The following SLC11A1 variants were observed in gnomAD, a reference collection of about 807,000 sequenced individuals.
SLC11A1 encodes the protein solute carrier family 11 member 1.
SLC11A1 carries 59 observed loss-of-function variants against 63.2 expected under a neutral mutation model. That is an observed-to-expected ratio of 0.93 (90% CI 0.76 to 1.16). The LOEUF (loss-of-function observed/expected upper bound fraction) is 1.16. Ranked by LOEUF, SLC11A1 falls within the 50% of genes most tolerant of loss-of-function variation. The pLI is 0.00. For missense variants in SLC11A1, 688 were observed against 730.7 expected, an observed-to-expected ratio of 0.94 and a Z score of 0.67; for synonymous variants, 305 against 307.8, an observed-to-expected ratio of 0.99 and a Z score of 0.09.
At chr2:218,388,175 C>G in intron 8 of SLC11A1, 1 of 550,944 alleles carries the variant, frequency 1.8e-6, no homozygotes, top group South Asian at 2.3e-5. Flanking sequence ...CGACACCATC[C>G]TGGTCAACAT....
In SLC11A1 at chr2:218,394,172, T is replaced by C. The variant is rs1261208430; in HGVS notation, c.1367T>C (p.Met456Thr). ...ACGTTCACCAGCATGCCCACCCTCA[T>C]GCAGGAGTTTGCCAATGGCCTGTGA... ...ILTFTSMPTL[M>T]QEFANGLLNK... Residue 456 changes from methionine (M) to threonine (T), a missense_variant, in exon 13 of 15, where the codon ATG (methionine) becomes ACG (threonine). Physicochemically the swap from Met to Thr is moderately conservative, Grantham distance 81 (BLOSUM62 -1). Coordinates refer to ENST00000233202, the MANE Select transcript of SLC11A1 (RefSeq NM_000578.4). The C allele has an allele frequency of 6.2e-7, 1 of 1,614,156 alleles. No homozygotes were observed. Among genetic ancestry groups the C allele is most frequent in the Non-Finnish European group, 8.5e-7 (1 of 1,180,014 alleles).
chr2:218,392,320 T>G (rs1696503358), intron 11 of SLC11A1: 1 of 182,972 alleles, frequency 5.5e-6, no homozygotes, highest in Non-Finnish European at 1.2e-5. Context: ...CTCCTCAGCC[T>G]CCCAAAGTGC....
intron 4 of SLC11A1, 123 bp downstream of exon 4, chr2:218,385,389 G>A (rs768332375): frequency 7.6e-6 from 11 of 1,440,282 alleles, no homozygotes; most frequent in Non-Finnish European, 1.1e-5. Flanking sequence ...GTTTGTTTTT[G>A]TTGTTGTTTG....
chr2:218,387,099 C>A, intron 5 of SLC11A1, 61 bp from the exon 6 acceptor site: 1 of 1,477,328 alleles, frequency 6.8e-7, no homozygotes, highest in Non-Finnish European at 9.5e-7. Context: ...AGCCCTGAGG[C>A]TCCGTAGGAG....
In SLC11A1 at chr2:218,391,227, C is replaced by G; in HGVS notation, c.984C>G (p.His328Gln). The G allele has an allele frequency of 6.2e-7, 1 of 1,613,910 alleles. No individual in the cohort carries two copies. Among genetic ancestry groups the G allele is most frequent in the Non-Finnish European group, 8.5e-7 (1 of 1,179,994 alleles). The change falls in exon 10 of 15, where the codon CAC becomes CAG. Residue 328 changes from histidine (H) to glutamine (Q), a missense_variant. By Grantham distance (24) the His-to-Gln change is conservative. Transcript: ENST00000233202. ...ACATCTGTGCCAACAGCAGCCTCCACGACTACGCCAAGATCTTCCCCATGA... is the reference window on the plus strand; with the variant it reads ...ACATCTGTGCCAACAGCAGCCTCCAGGACTACGCCAAGATCTTCCCCATGA... ...AFNICANSSL[H>Q]DYAKIFPMNN...
chr2:218,389,732 C>A, intron 8 of SLC11A1, 138 bp from the exon 9 acceptor site: 1 of 810,468 alleles, frequency 1.2e-6, no homozygotes, highest in South Asian at 1.9e-5. Context: ...ATCGGCTGAC[C>A]TGAACCTGCC....
chr2:218,384,076 C>T lies in SLC11A1; in HGVS notation c.151-167C>T. On this transcript the variant is annotated intron_variant, in intron 2 of 14. Coordinates refer to ENST00000233202, the MANE Select transcript of SLC11A1 (RefSeq NM_000578.4). This position sits in a 1 kb window ranked among gnomAD's most constrained non-coding sequence, Gnocchi z 4.0. The stretch of plus-strand genomic sequence containing the variant: ...GACTCATCAGAGCATGCTGCTTCCT[C>T]CACCCATGCCCTCCCCATCCCTTGG... 3 of 574,524 alleles carry T rather than the reference C, an allele frequency of 5.2e-6. No homozygotes were observed. Among genetic ancestry groups the T allele is most frequent in the Non-Finnish European group, 8.7e-6 (3 of 346,310 alleles). The allele number at this position is 574,524 out of a possible 1,614,324, so 35.6% of individuals were successfully genotyped here.
rs17235381 is a variant in SLC11A1 at position 218,385,477 on chromosome 2, A to G, written c.393+211A>G. On this transcript the variant is annotated intron_variant, in intron 4 of 14. Transcript: ENST00000233202. ...GCGATGTCAGCTCACTGCAACCTCT[A>G]CCTCCCAGGTACAAGTGATTCTCCT... 2,384 of 611,512 alleles carry G rather than the reference A, an allele frequency of 3.9e-3. 43 individuals are homozygous for G. Among genetic ancestry groups the G allele is most frequent in the African/African-American group, 0.034 (1,882 of 54,782 alleles). The allele number at this position is 611,512 out of a possible 1,614,324, so 37.9% of individuals were successfully genotyped here.
chr2:218,389,757 A>G (rs974218021), intron 8 of SLC11A1, 113 bp from the exon 9 acceptor site: 2 of 1,105,036 alleles, frequency 1.8e-6, no homozygotes, highest in Non-Finnish European at 2.6e-6. Context: ...ACTGCCACGC[A>G]GGGGACTTAA....
chr2:218,386,393 G>A (rs1472326932), intron 4 of SLC11A1, among the ~76,000 whole-genome samples: 1 of 151,810 alleles, frequency 6.6e-6, no homozygotes, highest in African/African-American at 2.4e-5. Flanking sequence ...CGGAGATTGT[G>A]GTGAGCCGAG....
In SLC11A1 at chr2:218,387,847, C is replaced by G. The variant is rs776420245; in HGVS notation, c.687C>G (p.Phe229Leu). 3 of 1,602,268 alleles carry G rather than the reference C, an allele frequency of 1.9e-6. No individual in the cohort carries two copies. Among genetic ancestry groups the G allele is most frequent in the African/African-American group, 1.3e-5 (1 of 74,752 alleles). ...AGGGAGCGCTTCTTCGGGGCCTGTT[C>G]CTGCCCTCGTGCCCGGGCTGCGGCC... ...PEQGALLRGL[F>L]LPSCPGCGHP... Residue 229 changes from phenylalanine (F) to leucine (L), a missense_variant, in exon 8 of 15, where the codon TTC (phenylalanine) becomes TTG (leucine). Physicochemically the swap from Phe to Leu is conservative, Grantham distance 22. Transcript: ENST00000233202.
Position 218,386,654 on chromosome 2 carries a change from G to A in SLC11A1, c.413G>A (p.Trp138Ter). The A allele has an allele frequency of 6.2e-7, 1 of 1,613,848 alleles. No homozygotes were observed. ...YYPKVPRTVL[W>*]LTIELAIVGS... ...CCATAGGTGCCCCGCACCGTCCTCT[G>A]GCTGACCATCGAGCTAGCCATTGTG... The change falls in exon 5 of 15, where the codon TGG becomes TAG. Residue 138 changes from tryptophan (W) to a stop codon, truncating the protein, a stop_gained. Transcript: ENST00000233202. LOFTEE classifies it high-confidence loss of function.
Position 218,396,517 on chromosome 2 carries a change from C to G in SLC11A1, c.*1482C>G, listed in dbSNP as rs763172778. 1 of 152,436 alleles carries G rather than the reference C, an allele frequency of 6.6e-6. No individual in the cohort carries two copies. The highest frequency in any genetic ancestry group is 2.4e-5 in the African/African-American group (1 of 41,466). 9.4% of individuals were successfully genotyped at this position (152,436 alleles called of 1,614,324 possible). The stretch of plus-strand genomic sequence containing the variant: ...AGGCGGCCTGGCTCCGCGCTCAGGT[C>G]CGGACGCTTGTTTATGAGAAGAATT... On this transcript the variant is annotated 3_prime_UTR_variant, in exon 15 of 15. Coordinates refer to ENST00000233202, the MANE Select transcript of SLC11A1 (RefSeq NM_000578.4).
At chr2:218,383,401 T>G in intron 2 of SLC11A1, 1 of 338,778 alleles carries the variant, frequency 3.0e-6, no homozygotes, top group Non-Finnish European at 5.5e-6. Context: ...GTTATAGCAT[T>G]TAGGAAAGGG....
Position 218,394,924 on chromosome 2 carries a change from G to A in SLC11A1, c.1543-1G>A. 6.2e-7 allele frequency: 1 copy of A among 1,612,430 alleles called. No homozygotes were observed. The highest frequency in any genetic ancestry group is 8.5e-7 in the Non-Finnish European group (1 of 1,179,328). ...CCAATTCATGGTTGCCCCTCCCCCA[G>A]GTCTGGACCTGTTGCCTTGCCCACG... is the stretch of plus-strand genomic sequence containing the variant. On this transcript the variant is annotated splice_acceptor_variant, in intron 14 of 14. Coordinates refer to ENST00000233202, the MANE Select transcript of SLC11A1 (RefSeq NM_000578.4). LOFTEE classifies it high-confidence loss of function.
Position 218,385,231 on chromosome 2 carries a change from G to A in SLC11A1, c.358G>A (p.Asp120Asn). Residue 120 changes from aspartate (D) to asparagine (N), a missense_variant, in exon 4 of 15, where the codon GAC becomes AAC. Physicochemically the swap from Asp to Asn is conservative, Grantham distance 23. Transcript: ENST00000233202. ...AARLGVVTGK[D>N]LGEVCHLYYP... ...ACGTCTGGGCGTGGTGACAGGCAAG[G>A]ACTTGGGCGAGGTCTGCCATCTCTA... The A allele has an allele frequency of 6.2e-7, 1 of 1,614,064 alleles. No homozygotes were observed. Among genetic ancestry groups the A allele is most frequent in the African/African-American group, 1.3e-5 (1 of 75,068 alleles).
chr2:218,382,950 G>GC lies in SLC11A1; in HGVS notation c.8-5dup, dbSNP rs1279055288. 6.2e-7 allele frequency: 1 copy of GC among 1,613,982 alleles called. No individual in the cohort carries two copies. The highest frequency in any genetic ancestry group is 8.5e-7 in the Non-Finnish European group (1 of 1,179,966). On this transcript the variant is annotated splice_polypyrimidine_tract_variant and intron_variant, in intron 1 of 14. Coordinates refer to ENST00000233202, the MANE Select transcript of SLC11A1 (RefSeq NM_000578.4). ...GCAGGACACTCACCATGCTTCATGG[G>GC]CCCCCACAGGTGACAAGGGTCCCCA...
chr2:218,394,348 G>A (rs928816552), intron 13 of SLC11A1, 155 bp downstream of exon 13: 3 of 796,776 alleles, frequency 3.8e-6, no homozygotes, highest in African/African-American at 3.5e-5. Context: ...CAGCTAGCAA[G>A]TTGAGGAGCC....
At chr2:218,388,023 C>A in intron 8 of SLC11A1, 68 bp downstream of exon 8, 1 of 1,450,824 alleles carries the variant, frequency 6.9e-7, no homozygotes, top group Non-Finnish European at 9.2e-7. Context: ...CGCCTCCAAG[C>A]CTGGAGCCCC....
Sources: allele counts gnomAD v4.1 joint callset (sites outside exome capture counted in the v4.1 genomes callset), GRCh38; gene constraint gnomAD v4.1.1; non-coding constraint Gnocchi (gnomAD v3.1); transcripts MANE v1.5; gene names NCBI Gene and HGNC (gene_info 2026-07-23, HGNC 2026-07-21).